The following GALNT17 variants were observed in gnomAD, a reference collection of about 807,000 sequenced individuals.
The protein encoded by GALNT17 is UDP-GalNAc:polypeptide N-acetylgalactosaminyltransferase-like 3.
Under a neutral mutation model 63.7 loss-of-function variants are expected in GALNT17, and 29 were observed. The ratio of observed to expected loss-of-function variants is 0.46; its 90% confidence interval spans 0.34 to 0.62. The LOEUF is 0.62. GALNT17 is among the 20% of genes least tolerant of loss of function. The probability of loss-of-function intolerance (pLI) is 0.01; values close to 1 mark genes in which losing one functional copy is unlikely to be tolerated. For synonymous variants in GALNT17, 305 were observed against 318.3 expected (o/e 0.96, Z 0.45); for missense variants, 603 against 799.6 (o/e 0.75, Z 2.97).
chr7:71,616,214 G>C (rs542233598), intron 6 of GALNT17, among the ~76,000 whole-genome samples: 1 of 152,026 alleles, frequency 6.6e-6, no homozygotes, highest in Non-Finnish European at 1.5e-5. Flanking sequence ...TAGTCTGTTC[G>C]AGTACCCTAG....
intron 6 of GALNT17, among the ~76,000 whole-genome samples, chr7:71,624,618 G>A (rs1790344768): frequency 6.6e-6 from 1 of 152,114 alleles, no homozygotes; most frequent in African/African-American, 2.4e-5. Context: ...AATGATGGAT[G>A]ACCCCAAAGA....
At chr7:71,553,281 C>T (rs556431989) in intron 5 of GALNT17, among the ~76,000 whole-genome samples, 139 of 151,888 alleles carry the variant, frequency 9.2e-4, no homozygotes, top group Middle Eastern at 6.8e-3. Flanking sequence ...AGGCTATGTT[C>T]GCACCACCTC....
chr7:71,632,231 C>T (rs1487615669), intron 6 of GALNT17, among the ~76,000 whole-genome samples: 4 of 152,208 alleles, frequency 2.6e-5, no homozygotes, highest in Middle Eastern at 3.2e-3. Context: ...GTGGAGCAGG[C>T]TGCTTTTCCA....
At chr7:71,271,844 C>T (rs1000726802) in intron 1 of GALNT17, among the ~76,000 whole-genome samples, 5 of 152,178 alleles carry the variant, frequency 3.3e-5, no homozygotes, top group Non-Finnish European at 7.3e-5. Flanking sequence ...ACTGCAGCGT[C>T]GACCTCCCAG....
At chr7:71,283,515 C>T (rs1182910026) in intron 1 of GALNT17, among the ~76,000 whole-genome samples, 2 of 152,180 alleles carry the variant, frequency 1.3e-5, no homozygotes, top group African/African-American at 4.8e-5. Flanking sequence ...GCTGTCTTCT[C>T]TCTCTGGGAG....
At chr7:71,711,962 G>A (rs1791800906) in intron 10 of GALNT17, 56 bp from the exon 11 acceptor site, 22 of 1,552,666 alleles carry the variant, frequency 1.4e-5, no homozygotes, top group East Asian at 2.3e-5. Context: ...TATATCTCTC[G>A]CTGTCTCTCT....
intron 6 of GALNT17, among the ~76,000 whole-genome samples, chr7:71,626,050 C>T (rs1042934921): frequency 4.6e-5 from 7 of 152,132 alleles, no homozygotes; most frequent in East Asian, 3.9e-4. Context: ...GCGAGACCAT[C>T]CTGACCAACA....
intron 1 of GALNT17, among the ~76,000 whole-genome samples, chr7:71,173,642 G>A (rs188801577): frequency 3.3e-5 from 5 of 152,174 alleles, no homozygotes; most frequent in Admixed American, 2.6e-4. Flanking sequence ...GCATGGCGGT[G>A]CACACTTGTA....
chr7:71,551,612 A>G (rs1789076244), intron 5 of GALNT17, among the ~76,000 whole-genome samples: 1 of 152,112 alleles, frequency 6.6e-6, no homozygotes, highest in African/African-American at 2.4e-5. Context: ...AAAAATACAA[A>G]AAGAAATTAG....
At chr7:71,455,657 G>A (rs59497117) in intron 5 of GALNT17, among the ~76,000 whole-genome samples, 17,955 of 152,110 alleles carry the variant, frequency 0.12, 1,795 homozygotes, top group East Asian at 0.55. Flanking sequence ...CCCAGAGAAG[G>A]CAGCTCTCTC....
intron 9 of GALNT17, among the ~76,000 whole-genome samples, chr7:71,678,279 C>T (rs1253915988): frequency 6.6e-6 from 1 of 151,760 alleles, no homozygotes; most frequent in African/African-American, 2.4e-5. Flanking sequence ...CTTGCACCAC[C>T]CTGCCCCAGC....
chr7:71,168,580 A>G (rs1010607504), intron 1 of GALNT17, among the ~76,000 whole-genome samples: 4 of 152,106 alleles, frequency 2.6e-5, no homozygotes, highest in Admixed American at 6.6e-5. Flanking sequence ...TCAAAAAAAA[A>G]AGAAAATTCT....
chr7:71,497,306 A>G (rs10248391), intron 5 of GALNT17, among the ~76,000 whole-genome samples: 43,540 of 152,010 alleles, frequency 0.29, 8,121 homozygotes, highest in East Asian at 0.64. Context: ...AACAAGAAAC[A>G]TTTATTTTTT....
At position 71,660,447 on chromosome 7, in the gene GALNT17, G is replaced by A. The variant is rs562306950; in HGVS notation, c.1081-4964G>A. 6.3e-4 allele frequency among the ~76,000 whole-genome samples: 96 copies of A among 152,206 alleles called. 1 individual carries two copies. Among genetic ancestry groups the A allele is most frequent in the Non-Finnish European group, 1.2e-3 (81 of 68,038 alleles). On this transcript the variant is annotated intron_variant, in intron 6 of 10. Coordinates refer to ENST00000333538, the MANE Select transcript of GALNT17 (RefSeq NM_022479.3). The stretch of plus-strand genomic sequence containing the variant: ...TCAGCGACATGCCAGTCAGAGTCTT[G>A]TTCCTACCTTTCTGTGCATTTCTCT...
At chr7:71,660,054 A>G (rs1790883823) in intron 6 of GALNT17, among the ~76,000 whole-genome samples, 1 of 152,082 alleles carries the variant, frequency 6.6e-6, no homozygotes, top group African/African-American at 2.4e-5. Context: ...CCCTTGCTAG[A>G]TTATCCACTT....
chr7:71,485,630 T>C (rs962543012), intron 5 of GALNT17, among the ~76,000 whole-genome samples: 5 of 152,212 alleles, frequency 3.3e-5, no homozygotes, highest in African/African-American at 1.2e-4. Context: ...GGATATCCAC[T>C]GTATCTATTC....
chr7:71,150,091 T>G (rs576790078), intron 1 of GALNT17, among the ~76,000 whole-genome samples: 1 of 152,282 alleles, frequency 6.6e-6, no homozygotes, highest in African/African-American at 2.4e-5. Context: ...AGAAGGTAAC[T>G]CCTTTGATTC....
chr7:71,550,166 A>G (rs1414302192), intron 5 of GALNT17, among the ~76,000 whole-genome samples: 1 of 152,026 alleles, frequency 6.6e-6, no homozygotes, highest in African/African-American at 2.4e-5. Flanking sequence ...TTGTAAAGGC[A>G]TGGGAAAAAA....
intron 1 of GALNT17, among the ~76,000 whole-genome samples, chr7:71,258,015 C>A (rs867339388): frequency 6.6e-6 from 1 of 152,332 alleles, no homozygotes; most frequent in Middle Eastern, 3.4e-3. Flanking sequence ...TCGGCCGTAT[C>A]CATGGCCTCC....
Sources: gnomAD v4.1 joint callset for allele counts (sites outside exome capture counted in the v4.1 genomes callset) on GRCh38, gnomAD v4.1.1 for gene constraint, MANE v1.5 for transcripts, NCBI Gene and HGNC (gene_info 2026-07-23, HGNC 2026-07-21) for gene names.